The following GABRG3 variants were observed in gnomAD, a reference collection of about 807,000 sequenced individuals.
The protein encoded by GABRG3 is gamma-aminobutyric acid receptor subunit gamma-3.
GABRG3 carries 25 observed loss-of-function variants against 48.8 expected under a neutral mutation model. The observed-to-expected ratio is 0.51, with a 90% CI of 0.37 to 0.72. The LOEUF is 0.72. Among genes scored for constraint, GABRG3 ranks in the 30% least tolerant of loss-of-function variants. GABRG3 has a pLI of 0.00. For missense variants in GABRG3, 394 were observed against 577.9 expected (o/e 0.68, Z 3.26); for synonymous variants, 227 against 217.6 (o/e 1.04, Z -0.38).
At chr15:27,405,852 G>GC (rs1334015556) in intron 5 of GABRG3, among the ~76,000 whole-genome samples, 1 of 151,808 alleles carries the variant, frequency 6.6e-6, no homozygotes, top group Non-Finnish European at 1.5e-5. Context: ...TCTAGGACTG[G>GC]GGGAGGGAAT....
At chr15:27,300,670 T>A (rs376658921) in intron 3 of GABRG3, among the ~76,000 whole-genome samples, 382 of 18,360 alleles carry the variant, frequency 0.021, no homozygotes, top group African/African-American at 0.024. Flanking sequence ...AATAAATAAA[T>A]AAATAAGCAA....
intron 2 of GABRG3, among the ~76,000 whole-genome samples, chr15:26,992,769 A>G (rs1895272386): frequency 6.6e-6 from 1 of 152,072 alleles, no homozygotes; most frequent in Non-Finnish European, 1.5e-5. Context: ...ATTTTTAGGA[A>G]CAGTTTGAGT....
At position 27,453,642 on chromosome 15, in the gene GABRG3, C is replaced by A. The variant is rs572338889; in HGVS notation, c.575-27008C>A. On this transcript the variant is annotated intron_variant, in intron 5 of 9. Coordinates refer to ENST00000615808, the MANE Select transcript of GABRG3 (RefSeq NM_033223.5). The stretch of plus-strand genomic sequence containing the variant: ...GTTTAGACAGAGTTTCACTCTGTCA[C>A]CTAGGCTGGAGTGCAATGGCGCAAT... 7.2e-5 allele frequency among the ~76,000 whole-genome samples: 11 copies of A among 152,280 alleles called. No individual in the cohort carries two copies. The South Asian group carries it at 2.3e-3, about 32-fold the overall frequency.
At chr15:27,175,562 A>G (rs1725208261) in intron 3 of GABRG3, among the ~76,000 whole-genome samples, 1 of 152,258 alleles carries the variant, frequency 6.6e-6, no homozygotes, top group Non-Finnish European at 1.5e-5. Flanking sequence ...TTGCCCACTA[A>G]TAATGTCTTT....
At chr15:27,341,360 T>C (rs1894171146) in intron 5 of GABRG3, among the ~76,000 whole-genome samples, 1 of 152,192 alleles carries the variant, frequency 6.6e-6, no homozygotes, top group Non-Finnish European at 1.5e-5. Flanking sequence ...TTATGATGCA[T>C]GTATTCACTC....
intron 3 of GABRG3, among the ~76,000 whole-genome samples, chr15:27,091,342 G>GTA (rs1426245287): frequency 2.6e-5 from 4 of 152,182 alleles, no homozygotes; most frequent in Admixed American, 2.6e-4. Context: ...TGATCATGAT[G>GTA]TATAATCCCT....
At chr15:27,490,840 G>A (rs1286379355) in intron 6 of GABRG3, among the ~76,000 whole-genome samples, 3 of 152,230 alleles carry the variant, frequency 2.0e-5, no homozygotes, top group Non-Finnish European at 4.4e-5. Flanking sequence ...GACAGAGACA[G>A]GAGCATGGAA....
chr15:27,360,883 TG>T (rs1278033734), intron 5 of GABRG3, among the ~76,000 whole-genome samples: 2 of 152,124 alleles, frequency 1.3e-5, no homozygotes, highest in African/African-American at 4.8e-5. Flanking sequence ...TGGCCATGAG[TG>T]GGGGACTTGA....
chr15:27,281,799 G>T (rs1891443371), intron 3 of GABRG3, among the ~76,000 whole-genome samples: 1 of 151,674 alleles, frequency 6.6e-6, no homozygotes, highest in Non-Finnish European at 1.5e-5. Flanking sequence ...AACTGAAGAG[G>T]AAATAATAAT....
chr15:27,291,956 A>G (rs1266116908), intron 3 of GABRG3, among the ~76,000 whole-genome samples: 4 of 152,186 alleles, frequency 2.6e-5, no homozygotes, highest in Non-Finnish European at 5.9e-5. Flanking sequence ...GTATGCAAGG[A>G]TAGAACAGGT....
intron 6 of GABRG3, among the ~76,000 whole-genome samples, chr15:27,484,296 T>G (rs1315214431): frequency 6.6e-6 from 1 of 152,176 alleles, no homozygotes; most frequent in Admixed American, 6.5e-5. Flanking sequence ...TTGCAATAAG[T>G]AAACCTCCTA....
intron 7 of GABRG3, among the ~76,000 whole-genome samples, chr15:27,526,492 G>A (rs1354600527): frequency 6.6e-6 from 1 of 152,156 alleles, no homozygotes; most frequent in African/African-American, 2.4e-5. Context: ...TCCCTGTCTA[G>A]TAGTCCTGAC....
chr15:26,988,940 C>T (rs1895199020), intron 2 of GABRG3, among the ~76,000 whole-genome samples: 2 of 152,110 alleles, frequency 1.3e-5, no homozygotes, highest in African/African-American at 4.8e-5. Context: ...CCATAAAATT[C>T]ATCCAATTAT....
rs757538922 is a variant in GABRG3, at chr15:27,447,576, A to G, written c.575-33074A>G. Reference sequence around the variant, plus strand: ...GAGATGACAGGGCTGAGAGATGGGGACAGATTTGACACAGACCTACACATG... The same window carrying G: ...GAGATGACAGGGCTGAGAGATGGGGGCAGATTTGACACAGACCTACACATG... On this transcript the variant is annotated intron_variant, in intron 5 of 9. Transcript: ENST00000615808. This position sits in a 1 kb window ranked among gnomAD's most constrained non-coding sequence, Gnocchi z 4.0. Among the ~76,000 whole-genome samples, 1 of 152,102 alleles carries G rather than the reference A, an allele frequency of 6.6e-6. No homozygotes were observed. The highest frequency in any genetic ancestry group is 1.5e-5 in the Non-Finnish European group (1 of 68,028).
rs77680206 is a variant in GABRG3, at chr15:27,521,665, C to G, written c.865+1541C>G. Among the ~76,000 whole-genome samples the G allele has an allele frequency of 3.4e-3, 517 of 152,024 alleles. 5 individuals carry two copies. The highest frequency in any genetic ancestry group is 0.011 in the African/African-American group (461 of 41,514). On this transcript the variant is annotated intron_variant, in intron 7 of 9. Transcript: ENST00000615808. ...AATGAATAGATGGGTTATCTCATCA[C>G]AGAAAGTATATAAAAAGAAATTCTA...
At chr15:27,501,386 C>T in intron 6 of GABRG3, among the ~76,000 whole-genome samples, 1 of 152,182 alleles carries the variant, frequency 6.6e-6, no homozygotes, top group East Asian at 1.9e-4. Flanking sequence ...ACAAGTCTTC[C>T]TGGAATATTC....
chr15:27,399,032 G>T (rs1272801037), intron 5 of GABRG3, among the ~76,000 whole-genome samples: 1 of 152,146 alleles, frequency 6.6e-6, no homozygotes, highest in Non-Finnish European at 1.5e-5. Flanking sequence ...ATGAGCTTTA[G>T]TCTTAACTTT....
At chr15:27,341,706 G>A (rs1018801950) in intron 5 of GABRG3, among the ~76,000 whole-genome samples, 5 of 152,242 alleles carry the variant, frequency 3.3e-5, no homozygotes, top group Admixed American at 6.5e-5. Flanking sequence ...TATATCACGC[G>A]CCAGAAAGGG....
At chr15:27,301,687 A>G (rs908366425) in intron 3 of GABRG3, among the ~76,000 whole-genome samples, 1 of 151,798 alleles carries the variant, frequency 6.6e-6, no homozygotes, top group African/African-American at 2.4e-5. Flanking sequence ...AGTTAAAAAC[A>G]AAACAAAAAC....
Sources: gnomAD v4.1 joint callset for allele counts (sites outside exome capture counted in the v4.1 genomes callset) on GRCh38, gnomAD v4.1.1 for gene constraint, Gnocchi (gnomAD v3.1) non-coding constraint, MANE v1.5 for transcripts, NCBI Gene and HGNC (gene_info 2026-07-23, HGNC 2026-07-21) for gene names.